Variants in FHIT observed in about 807,000 individuals in gnomAD.
FHIT encodes the protein fragile histidine triad diadenosine triphosphatase.
A neutral mutation model predicts 17.9 loss-of-function variants in FHIT; 19 were observed. That is an observed-to-expected ratio of 1.06 (90% CI 0.74 to 1.56). The LOEUF (loss-of-function observed/expected upper bound fraction) is 1.56. FHIT is among the 40% of genes most tolerant of loss of function. The probability of loss-of-function intolerance (pLI) is 0.00; values close to 1 mark genes in which losing one functional copy is unlikely to be tolerated. For missense variants in FHIT, 248 were observed against 189.2 expected (o/e 1.31, Z -1.82); for synonymous variants, 81 against 69.7 (o/e 1.16, Z -0.81).
At chr3:60,000,751 C>T (rs1279297312) in intron 7 of FHIT, among the ~76,000 whole-genome samples, 1 of 152,034 alleles carries the variant, frequency 6.6e-6, no homozygotes, top group African/African-American at 2.4e-5. Context: ...CCCTGAAATA[C>T]ACTCTGAGTA....
At chr3:59,966,180 C>G (rs538905118) in intron 7 of FHIT, among the ~76,000 whole-genome samples, 1 of 152,154 alleles carries the variant, frequency 6.6e-6, no homozygotes, top group Non-Finnish European at 1.5e-5. Flanking sequence ...AAATAAGACT[C>G]TTAGTATTCA....
At chr3:61,118,152 T>A (rs1394900402) in intron 2 of FHIT, among the ~76,000 whole-genome samples, 1 of 152,186 alleles carries the variant, frequency 6.6e-6, no homozygotes, top group Non-Finnish European at 1.5e-5. Context: ...AGGTCCAACA[T>A]TTTATTACCT....
At chr3:59,937,938 T>C (rs1054226867) in intron 7 of FHIT, among the ~76,000 whole-genome samples, 10 of 152,134 alleles carry the variant, frequency 6.6e-5, no homozygotes, top group African/African-American at 1.9e-4. Flanking sequence ...GGTATTTACG[T>C]CAAAGTCACA....
intron 5 of FHIT, among the ~76,000 whole-genome samples, chr3:60,411,422 C>G (rs1161179323): frequency 1.3e-5 from 2 of 152,064 alleles, no homozygotes; most frequent in Non-Finnish European, 2.9e-5. Context: ...GGCAGTAACC[C>G]TACATTAGGG....
intron 5 of FHIT, among the ~76,000 whole-genome samples, chr3:60,146,638 A>T (rs1700254563): frequency 1.3e-5 from 2 of 152,124 alleles, no homozygotes; most frequent in Admixed American, 1.3e-4. Flanking sequence ...CTACGTTCAA[A>T]CCATTTGGAT....
At chr3:60,624,957 G>A (rs1311019031) in intron 4 of FHIT, among the ~76,000 whole-genome samples, 2 of 152,058 alleles carry the variant, frequency 1.3e-5, no homozygotes, top group Non-Finnish European at 2.9e-5. Context: ...TGCTCAGGCT[G>A]GAGTACAATG....
At chr3:59,877,985 T>G (rs1703239949) in intron 8 of FHIT, among the ~76,000 whole-genome samples, 2 of 152,200 alleles carry the variant, frequency 1.3e-5, no homozygotes, top group Non-Finnish European at 2.9e-5. Context: ...CCTTAACTGC[T>G]TACTTTCAAC....
intron 2 of FHIT, among the ~76,000 whole-genome samples, chr3:61,083,813 C>A (rs1575982170): frequency 6.6e-6 from 1 of 152,214 alleles, no homozygotes; most frequent in East Asian, 1.9e-4. Context: ...CAAGGTTCAT[C>A]CATGTTGCAG....
Position 60,397,756 on chromosome 3 carries a change from T to C in FHIT, c.103+139104A>G, listed in dbSNP as rs368457077. ...GAAAACCAAGCTACAGGTTAAATGC[T>C]TGGACTGGATTGAGAACTTGTCTTC... On this transcript the variant is annotated intron_variant, in intron 5 of 9. Transcript: ENST00000492590. Among the ~76,000 whole-genome samples the C allele has an allele frequency of 5.9e-5, 9 of 152,324 alleles. 1 individual carries two copies. The highest frequency in any genetic ancestry group is 4.1e-4 in the South Asian group (2 of 4,826).
At chr3:60,277,752 TCTC>T (rs139798728) in intron 5 of FHIT, among the ~76,000 whole-genome samples, 13,298 of 152,114 alleles carry the variant, frequency 0.087, 716 homozygotes, top group Non-Finnish European at 0.12. Context: ...AGAAAGCTGT[TCTC>T]CTTTCTCTTT....
chr3:60,620,104 C>T (rs1281768917), intron 4 of FHIT, among the ~76,000 whole-genome samples: 2 of 152,020 alleles, frequency 1.3e-5, no homozygotes, highest in Non-Finnish European at 2.9e-5. Context: ...ACAATGATAC[C>T]ACTATGTACC....
intron 2 of FHIT, among the ~76,000 whole-genome samples, chr3:61,193,250 A>G (rs1198156509): frequency 6.6e-6 from 1 of 152,174 alleles, no homozygotes; most frequent in African/African-American, 2.4e-5. Flanking sequence ...CTTTCCTGGT[A>G]TTGGAGAGAA....
chr3:60,253,560 C>T (rs965461211), intron 5 of FHIT, among the ~76,000 whole-genome samples: 1 of 152,148 alleles, frequency 6.6e-6, no homozygotes, highest in Non-Finnish European at 1.5e-5. Flanking sequence ...CTCTGTTTTG[C>T]AGTCAATGAT....
At chr3:60,684,908 A>G (rs940025177) in intron 4 of FHIT, among the ~76,000 whole-genome samples, 1 of 152,148 alleles carries the variant, frequency 6.6e-6, no homozygotes, top group Non-Finnish European at 1.5e-5. Context: ...GCTTAAAGAC[A>G]CTTGGAAAAA....
intron 3 of FHIT, among the ~76,000 whole-genome samples, chr3:60,884,989 C>T (rs1705156158): frequency 6.6e-6 from 1 of 150,886 alleles, no homozygotes; most frequent in Non-Finnish European, 1.5e-5. Flanking sequence ...TATGTGGAAG[C>T]TTAAAAGTGT....
chr3:60,504,860 A>T (rs936056128), intron 5 of FHIT, among the ~76,000 whole-genome samples: 4 of 152,208 alleles, frequency 2.6e-5, no homozygotes, highest in African/African-American at 9.6e-5. Flanking sequence ...ATTATTTTTC[A>T]AAGTTTGAGG....
At chr3:60,046,979 C>G (rs904355594) in intron 5 of FHIT, among the ~76,000 whole-genome samples, 2 of 152,176 alleles carry the variant, frequency 1.3e-5, no homozygotes, top group African/African-American at 4.8e-5. Context: ...CTCAGCACAT[C>G]CACTGAATAT....
At chr3:60,668,791 T>C (rs1036813396) in intron 4 of FHIT, among the ~76,000 whole-genome samples, 3 of 152,038 alleles carry the variant, frequency 2.0e-5, no homozygotes, top group Admixed American at 6.6e-5. Context: ...GGTCTCGCTC[T>C]CCTGACCTCA....
In FHIT at chr3:60,014,106, C is replaced by T. The variant is rs779492124; in HGVS notation, c.150G>A (p.Leu50=). 9.9e-6 allele frequency: 16 copies of T among 1,614,098 alleles called. No homozygotes were observed. The highest frequency in any genetic ancestry group is 1.3e-5 in the Non-Finnish European group (15 of 1,179,986). ...PLRPVERFHD[L]RPDEVADLFQ... Reference sequence around the variant, plus strand: ...ACAAATCGGCCACTTCATCAGGACGCAGGTCATGGAAGCGCTCCACTGGCC... The same window carrying T: ...ACAAATCGGCCACTTCATCAGGACGTAGGTCATGGAAGCGCTCCACTGGCC... The change falls in exon 6 of 10, where the codon CTG becomes CTA. Residue 50 remains leucine (L), a synonymous_variant. Coordinates refer to ENST00000492590, the MANE Select transcript of FHIT (RefSeq NM_002012.4).
Sources: gnomAD v4.1 joint callset for allele counts (sites outside exome capture counted in the v4.1 genomes callset) on GRCh38, gnomAD v4.1.1 for gene constraint, MANE v1.5 for transcripts, NCBI Gene and HGNC (gene_info 2026-07-23, HGNC 2026-07-21) for gene names.